Variants in MMAA observed in about 807,000 individuals in gnomAD.
MMAA encodes methylmalonic aciduria type A protein, mitochondrial.
In MMAA, 41 loss-of-function variants were observed where a neutral mutation model predicts 45.0. The ratio of observed to expected loss-of-function variants is 0.91; its 90% CI spans 0.71 to 1.18. The LOEUF (loss-of-function observed/expected upper bound fraction) is 1.18, where lower values mean the gene tolerates loss of function less well. Among genes scored for constraint, MMAA ranks in the 50% most tolerant of loss-of-function variants. MMAA has a pLI of 0.00. For missense variants in MMAA, 460 were observed against 495.7 expected, an observed-to-expected ratio of 0.93 and a Z score of 0.68; for synonymous variants, 154 against 178.2, an observed-to-expected ratio of 0.86 and a Z score of 1.08.
intron 3 of MMAA, among the ~76,000 whole-genome samples, chr4:145,644,588 C>G (rs72723817): frequency 0.075 from 11,428 of 152,258 alleles, 538 homozygotes; most frequent in South Asian, 0.15. Flanking sequence ...CCAGGACTTT[C>G]AGTCTTCTAG....
intron 4 of MMAA, chr4:145,650,385 G>C (rs949622885): frequency 2.0e-5 from 3 of 153,300 alleles, no homozygotes; most frequent in Non-Finnish European, 4.4e-5. Flanking sequence ...TGGAGTACGG[G>C]AGAGGGAGAA....
At chr4:145,626,677 G>A (rs538296098) in intron 1 of MMAA, among the ~76,000 whole-genome samples, 10 of 152,218 alleles carry the variant, frequency 6.6e-5, no homozygotes, top group African/African-American at 2.4e-4. Context: ...TCCAAGTTCT[G>A]CCACTAGTTC....
intron 1 of MMAA, among the ~76,000 whole-genome samples, chr4:145,631,923 A>T (rs750373168): frequency 6.6e-6 from 1 of 151,322 alleles, no homozygotes; most frequent in Non-Finnish European, 1.5e-5. Flanking sequence ...ACTAATGAAG[A>T]CTCTGCCTTA....
At chr4:145,648,951 C>T (rs1728015966) in intron 4 of MMAA, among the ~76,000 whole-genome samples, 1 of 151,982 alleles carries the variant, frequency 6.6e-6, no homozygotes, top group Non-Finnish European at 1.5e-5. Context: ...GGCACCACTG[C>T]ACTCCAGCTG....
At chr4:145,630,203 GGA>G (rs1734304484) in intron 1 of MMAA, among the ~76,000 whole-genome samples, 1 of 152,020 alleles carries the variant, frequency 6.6e-6, no homozygotes, top group African/African-American at 2.4e-5. Flanking sequence ...TTCAGGTTTT[GGA>G]TTTCTTCATT....
chr4:145,655,269 A>G lies in MMAA; in HGVS notation c.1092A>G (p.Lys364=), dbSNP rs766393243. The change falls in exon 7 of 7, where the codon AAA becomes AAG. Residue 364 remains lysine (K), a synonymous_variant. Transcript: ENST00000649156. ...CTGCCAAACGACGGAAGCAACAGAA[A>G]GTTTGGATGTGGAATCTCATTCAGG... is the stretch of plus-strand genomic sequence containing the variant. The part of the protein sequence containing the change: ...ELTAKRRKQQ[K]VWMWNLIQES... 1 of 1,614,198 alleles carries G rather than the reference A, an allele frequency of 6.2e-7. No individual in the cohort carries two copies. Among genetic ancestry groups the G allele is most frequent in the Non-Finnish European group, 8.5e-7 (1 of 1,180,036 alleles).
intron 6 of MMAA, among the ~76,000 whole-genome samples, chr4:145,654,886 ATAAAT>A (rs1000419059): frequency 1.3e-5 from 2 of 152,230 alleles, no homozygotes; most frequent in Non-Finnish European, 2.9e-5. Context: ...TTAAAATAAA[ATAAAT>A]TAAATTAAAA....
intron 1 of MMAA, among the ~76,000 whole-genome samples, chr4:145,622,440 C>T (rs1023040610): frequency 3.9e-5 from 6 of 152,066 alleles, no homozygotes; most frequent in African/African-American, 1.4e-4. Flanking sequence ...GACTAATATA[C>T]TAGATATGGC....
rs1344268439 is a variant in MMAA at position 145,654,087 on chromosome 4, G to T, written c.913G>T (p.Glu305Ter). 1 of 1,614,046 alleles carries T rather than the reference G, an allele frequency of 6.2e-7. No individual in the cohort carries two copies. Among genetic ancestry groups the T allele is most frequent in the Admixed American group, 1.7e-5 (1 of 60,004 alleles). Residue 305 changes from glutamate to a stop codon, truncating the protein, a stop_gained, in exon 6 of 7, where the codon GAA becomes TAA. Transcript: ENST00000649156. LOFTEE classifies it high-confidence loss of function. ...TGTGCCAGCTCGAAGGATACAAGCGGAATATGTGAGTGCACTGAAATTACT... is the reference window on the plus strand; with the variant it reads ...TGTGCCAGCTCGAAGGATACAAGCGTAATATGTGAGTGCACTGAAATTACT... ...LIVPARRIQAEYVSALKLLRK... is the reference protein window; with the variant it reads ...LIVPARRIQA
intron 1 of MMAA, among the ~76,000 whole-genome samples, chr4:145,620,201 C>G (rs556765367): frequency 2.8e-4 from 42 of 152,208 alleles, no homozygotes; most frequent in African/African-American, 8.7e-4. Flanking sequence ...GCACTAAATA[C>G]CGGTTTGTGT....
intron 3 of MMAA, among the ~76,000 whole-genome samples, chr4:145,645,233 T>C (rs565919046): frequency 6.6e-6 from 1 of 152,254 alleles, no homozygotes; most frequent in South Asian, 2.1e-4. Flanking sequence ...GGAGGGACAC[T>C]AAAGTTCTCT....
intron 2 of MMAA, 63 bp downstream of exon 2, chr4:145,639,641 T>TA (rs533009455): frequency 1.3e-4 from 195 of 1,542,714 alleles, no homozygotes; most frequent in Middle Eastern, 8.9e-4. Flanking sequence ...TTCTGTTTTT[T>TA]AAAAAAAAGT....
intron 1 of MMAA, among the ~76,000 whole-genome samples, chr4:145,620,013 T>TA (rs1478135014): frequency 6.6e-6 from 1 of 152,172 alleles, no homozygotes; most frequent in African/African-American, 2.4e-5. Context: ...CAAAATAATA[T>TA]AAAAATTTTT....
chr4:145,637,937 A>G (rs1727664290), intron 1 of MMAA, among the ~76,000 whole-genome samples: 1 of 152,160 alleles, frequency 6.6e-6, no homozygotes. Flanking sequence ...TAACTTGCCT[A>G]AGGTTATTTT....
rs991302520 is a variant in MMAA, at chr4:145,651,470, G to T, written c.819+323G>T. 3.3e-5 allele frequency among the ~76,000 whole-genome samples: 5 copies of T among 152,144 alleles called. No homozygotes were observed. In the East Asian group the frequency reaches 9.6e-4, roughly 29 times the overall value. On this transcript the variant is annotated intron_variant, in intron 5 of 6. Transcript: ENST00000649156. ...TAGTACGTTGATTCAAAAGTTCTGG[G>T]GAGAGTGGGATCCCACTATCATAGT...
rs774637500 is a variant in MMAA, at chr4:145,656,555, C to G, written c.*1121C>G. 7 of 151,746 alleles carry G rather than the reference C, an allele frequency of 4.6e-5. No individual in the cohort carries two copies. The highest frequency in any genetic ancestry group is 1.0e-4 in the Non-Finnish European group (7 of 67,986). The allele number at this position is 151,746 out of a possible 1,614,324, so 9.4% of individuals were successfully genotyped here. ...AAACCTGATGTATAATTTCAGTTTTCTCTCATGGTCTTGTTACTACCATCA... is the reference window on the plus strand; with the variant it reads ...AAACCTGATGTATAATTTCAGTTTTGTCTCATGGTCTTGTTACTACCATCA... On this transcript the variant is annotated 3_prime_UTR_variant, in exon 7 of 7. Coordinates refer to ENST00000649156, the MANE Select transcript of MMAA (RefSeq NM_172250.3).
intron 1 of MMAA, among the ~76,000 whole-genome samples, chr4:145,632,822 A>T: frequency 6.6e-6 from 1 of 150,376 alleles, no homozygotes. Context: ...TAGTGGTGTG[A>T]TCAGGACTTG....
At chr4:145,647,506 A>G (rs919119253) in intron 4 of MMAA, among the ~76,000 whole-genome samples, 4 of 152,230 alleles carry the variant, frequency 2.6e-5, no homozygotes, top group Non-Finnish European at 5.9e-5. Context: ...GGGCTGCCAT[A>G]GCAAAATACC....
At chr4:145,646,441 A>G in intron 4 of MMAA, 1 of 369,282 alleles carries the variant, frequency 2.7e-6, no homozygotes, top group Non-Finnish European at 5.0e-6. Flanking sequence ...ATCTGTGTAA[A>G]TGATGCTTTG....
Sources: gnomAD v4.1 joint callset for allele counts (sites outside exome capture counted in the v4.1 genomes callset) on GRCh38, gnomAD v4.1.1 for gene constraint, MANE v1.5 for transcripts, NCBI Gene and HGNC (gene_info 2026-07-23, HGNC 2026-07-21) for gene names.